Variants in ENOX2 observed in about 807,000 individuals in gnomAD.
The protein encoded by ENOX2 is ecto-NOX disulfide-thiol exchanger 2.
ENOX2 carries 36 observed loss-of-function variants against 45.0 expected under a neutral mutation model. The ratio of observed to expected loss-of-function variants is 0.80; its 90% CI spans 0.61 to 1.06. The LOEUF (loss-of-function observed/expected upper bound fraction) is 1.06. Ranked by LOEUF, ENOX2 falls within the 50% of genes least tolerant of loss-of-function variation. The pLI is 0.00. For synonymous variants in ENOX2, 174 were observed against 152.3 expected, an observed-to-expected ratio of 1.14 and a Z score of -1.05; for missense variants, 423 against 462.5, an observed-to-expected ratio of 0.91 and a Z score of 0.78.
At chrX:130,627,903 C>T (rs2035590925) in intron 14 of ENOX2, 55 bp downstream of exon 14, 3 of 849,653 alleles carry the variant, frequency 3.5e-6, no homozygotes, top group Middle Eastern at 2.7e-4. Context: ...GTCAGGTCAC[C>T]TGTTAACAAA....
intron 1 of ENOX2, 48 bp from the exon 2 acceptor site, chrX:130,901,779 T>G (rs2079146572): frequency 8.9e-6 from 1 of 112,358 alleles, no homozygotes. Context: ...GCCTTCAATT[T>G]TATTTGATAC....
chrX:130,758,528 T>A (rs1255014020), intron 3 of ENOX2, among the ~76,000 whole-genome samples: 2 of 112,544 alleles, frequency 1.8e-5, no homozygotes, highest in Non-Finnish European at 3.8e-5. Flanking sequence ...TTGAAGGACA[T>A]CTGGGTTGTT....
At chrX:130,901,172 T>C (rs1482155564) in intron 2 of ENOX2, among the ~76,000 whole-genome samples, 2 of 112,003 alleles carry the variant, frequency 1.8e-5, no homozygotes, top group African/African-American at 6.5e-5. Flanking sequence ...ATCATTTGGG[T>C]TTTGGCCAGG....
At position 130,625,454 on chromosome X, in the gene ENOX2, CAGAG is replaced by C. The variant is rs1419705705; in HGVS notation, c.1615-13_1615-10del. 1 of 1,199,859 alleles carries C rather than the reference CAGAG, an allele frequency of 8.3e-7. No individual in the cohort carries two copies. The highest frequency in any genetic ancestry group is 1.1e-6 in the Non-Finnish European group (1 of 889,843). The stretch of plus-strand genomic sequence containing the variant: ...ACATCGCTGGTGCAGATCTGTGGGA[CAGAG>C]AGAACATCTCCATTCAAAACCAGTT... On this transcript the variant is annotated splice_polypyrimidine_tract_variant and intron_variant, in intron 14 of 14. Transcript: ENST00000394363.
At chrX:130,880,859 C>A (rs1439958494) in intron 2 of ENOX2, among the ~76,000 whole-genome samples, 1 of 112,292 alleles carries the variant, frequency 8.9e-6, no homozygotes, top group East Asian at 2.8e-4. Context: ...TAGTTGAGAT[C>A]ATAATTTGTC....
chrX:130,824,990 CGCAACCCA>C (rs769802659), intron 2 of ENOX2, among the ~76,000 whole-genome samples: 25 of 110,727 alleles, frequency 2.3e-4, no homozygotes, highest in African/African-American at 7.9e-4. Flanking sequence ...GCATACCTTC[CGCAACCCA>C]GCAACACCAC....
At chrX:130,711,658 G>A (rs1603315739) in intron 3 of ENOX2, among the ~76,000 whole-genome samples, 1 of 111,641 alleles carries the variant, frequency 9.0e-6, no homozygotes, top group Non-Finnish European at 1.9e-5. Context: ...CAGGGTGGGA[G>A]TTGGAAGAGA....
At position 130,721,894 on chromosome X, in the gene ENOX2, G is replaced by A. The variant is rs747552904; in HGVS notation, c.-38-18640C>T. 5.3e-5 allele frequency among the ~76,000 whole-genome samples: 6 copies of A among 112,217 alleles called. No individual in the cohort carries two copies. The East Asian group carries it at 1.7e-3, about 31-fold the overall frequency. On this transcript the variant is annotated intron_variant, in intron 3 of 14. Coordinates refer to ENST00000394363, the MANE Select transcript of ENOX2 (RefSeq NM_006375.4). ...GACATTTGAAAAAGACAACAATTAT[G>A]CCTAAAGGAACTATCATGCTATAAG...
chrX:130,902,759 C>T (rs1331954346), intron 1 of ENOX2, among the ~76,000 whole-genome samples: 1 of 99,977 alleles, frequency 1.0e-5, no homozygotes, highest in Non-Finnish European at 2.0e-5. Context: ...AGGCACAGAG[C>T]CAGGGGGAGG....
At chrX:130,863,996 G>T (rs1040264277) in intron 2 of ENOX2, among the ~76,000 whole-genome samples, 2 of 110,778 alleles carry the variant, frequency 1.8e-5, no homozygotes, top group Non-Finnish European at 3.8e-5. Flanking sequence ...GTTTGTAGTT[G>T]TAAGAGTCAC....
chrX:130,873,452 T>C (rs1387209715), intron 2 of ENOX2, among the ~76,000 whole-genome samples: 1 of 111,794 alleles, frequency 8.9e-6, no homozygotes, highest in Non-Finnish European at 1.9e-5. Flanking sequence ...GGTGGGAGTG[T>C]AAATTAGTTC....
intron 12 of ENOX2, among the ~76,000 whole-genome samples, chrX:130,634,500 C>T (rs1313666033): frequency 1.8e-5 from 2 of 111,820 alleles, no homozygotes; most frequent in Non-Finnish European, 3.8e-5. Context: ...CCCAAGGTTT[C>T]TCTCTTCTTG....
chrX:130,891,490 G>GTTTTT (rs140444679), intron 2 of ENOX2, among the ~76,000 whole-genome samples: 1 of 44,565 alleles, frequency 2.2e-5, no homozygotes, highest in Non-Finnish European at 3.7e-5. Context: ...ACACTATATG[G>GTTTTT]TTTTTTTTTT....
chrX:130,683,454 T>C (rs191618725), intron 5 of ENOX2, among the ~76,000 whole-genome samples: 202 of 112,251 alleles, frequency 1.8e-3, no homozygotes, highest in Non-Finnish European at 2.6e-3. Context: ...TTTATAGCAT[T>C]CAGCCCTGAG....
intron 3 of ENOX2, among the ~76,000 whole-genome samples, chrX:130,770,395 G>T (rs2039711119): frequency 8.9e-6 from 1 of 111,972 alleles, no homozygotes; most frequent in Non-Finnish European, 1.9e-5. Context: ...GGATTTCCAT[G>T]CTTAAAGGAA....
chrX:130,796,863 G>A (rs1022769508), intron 2 of ENOX2, among the ~76,000 whole-genome samples: 5 of 112,162 alleles, frequency 4.5e-5, no homozygotes, highest in East Asian at 2.8e-4. Flanking sequence ...TTAATGCTAT[G>A]TTGTTTTTCT....
At chrX:130,867,730 A>G (rs1569324528) in intron 2 of ENOX2, among the ~76,000 whole-genome samples, 1 of 111,947 alleles carries the variant, frequency 8.9e-6, no homozygotes, top group Non-Finnish European at 1.9e-5. Context: ...CCTTAAAGTC[A>G]CAGGCTCACT....
chrX:130,871,303 A>G (rs1354984025), intron 2 of ENOX2, among the ~76,000 whole-genome samples: 3 of 111,769 alleles, frequency 2.7e-5, no homozygotes, highest in Non-Finnish European at 5.7e-5. Context: ...GCCATGGAGA[A>G]TACTAAACAA....
At chrX:130,802,610 A>C (rs73555136) in intron 2 of ENOX2, among the ~76,000 whole-genome samples, 1 of 111,784 alleles carries the variant, frequency 8.9e-6, no homozygotes, top group Non-Finnish European at 1.9e-5. Context: ...TGACTTGTTT[A>C]AAGTTCCACA....
Sources: allele counts gnomAD v4.1 joint callset (sites outside exome capture counted in the v4.1 genomes callset), GRCh38; gene constraint gnomAD v4.1.1; transcripts MANE v1.5; gene names NCBI Gene and HGNC (gene_info 2026-07-23, HGNC 2026-07-21).